The following PIP5K1B variants were observed in gnomAD, a reference collection of about 807,000 sequenced individuals.
PIP5K1B encodes phosphatidylinositol-4-phosphate 5-kinase type 1 beta.
In PIP5K1B, 42 loss-of-function variants were observed where a neutral mutation model predicts 67.0. That is an observed-to-expected ratio of 0.63 (90% CI 0.49 to 0.81). The LOEUF is 0.81. Ranked by LOEUF, PIP5K1B falls within the 30% of genes least tolerant of loss-of-function variation. PIP5K1B has a pLI of 0.00. For missense variants in PIP5K1B, 459 were observed against 646.3 expected (o/e 0.71, Z 3.14); for synonymous variants, 214 against 231.4 (o/e 0.92, Z 0.68).
At chr9:68,730,928 A>T (rs568299674) in intron 1 of PIP5K1B, among the ~76,000 whole-genome samples, 1 of 152,336 alleles carries the variant, frequency 6.6e-6, no homozygotes, top group South Asian at 2.1e-4. Flanking sequence ...CCCTCTTTTC[A>T]TGAGAAAGGA....
In PIP5K1B at chr9:68,812,686, C is replaced by T. The variant is rs193265949; in HGVS notation, c.-85-5775C>T. On this transcript the variant is annotated intron_variant, in intron 2 of 15. Transcript: ENST00000265382. ...CCAGAGACTACAACTTTGAGTACTC[C>T]ACTGTCCAATTCTTATCAAAAGACT... 5.9e-4 allele frequency among the ~76,000 whole-genome samples: 90 copies of T among 152,324 alleles called. 1 individual carries two copies. Among genetic ancestry groups the T allele is most frequent in the Admixed American group, 3.4e-3 (52 of 15,294 alleles).
chr9:68,744,190 C>T (rs1209375261), intron 2 of PIP5K1B, among the ~76,000 whole-genome samples: 2 of 152,198 alleles, frequency 1.3e-5, no homozygotes, highest in African/African-American at 4.8e-5. Context: ...CCACAAACCA[C>T]AGTGATCTTC....
chr9:68,830,579 T>C (rs1270596836), intron 4 of PIP5K1B, among the ~76,000 whole-genome samples: 1 of 152,190 alleles, frequency 6.6e-6, no homozygotes, highest in Admixed American at 6.5e-5. Flanking sequence ...CTGTAGACTC[T>C]CTGTGTTTTG....
chr9:68,819,242 T>C (rs947584593), intron 3 of PIP5K1B, among the ~76,000 whole-genome samples: 1 of 152,120 alleles, frequency 6.6e-6, no homozygotes, highest in Non-Finnish European at 1.5e-5. Flanking sequence ...CAAAATATAC[T>C]CAAGTCCCTT....
At chr9:68,712,592 A>G (rs1587326650) in intron 1 of PIP5K1B, among the ~76,000 whole-genome samples, 1 of 152,202 alleles carries the variant, frequency 6.6e-6, no homozygotes, top group African/African-American at 2.4e-5. Context: ...AGCCCCATCC[A>G]TCCTGTCAAG....
intron 1 of PIP5K1B, among the ~76,000 whole-genome samples, chr9:68,711,193 C>G (rs751136280): frequency 2.0e-5 from 3 of 152,190 alleles, no homozygotes; most frequent in African/African-American, 4.8e-5. Context: ...TTCCTTGCTT[C>G]GTAGACAGAC....
chr9:69,008,347 G>T, intron 15 of PIP5K1B, 100 bp from the exon 16 acceptor site: 1 of 1,013,126 alleles, frequency 9.9e-7, no homozygotes, highest in Non-Finnish European at 1.6e-6. Context: ...CCAGACACAA[G>T]TGATTGGGAG....
chr9:68,777,329 C>G (rs1376136725), intron 2 of PIP5K1B, among the ~76,000 whole-genome samples: 1 of 152,170 alleles, frequency 6.6e-6, no homozygotes, highest in African/African-American at 2.4e-5. Flanking sequence ...GAGAACAAAA[C>G]AAAGGTCTTT....
intron 7 of PIP5K1B, among the ~76,000 whole-genome samples, chr9:68,890,671 G>A (rs866594954): frequency 3.4e-5 from 5 of 147,590 alleles, no homozygotes; most frequent in African/African-American, 1.2e-4. Context: ...ATTTTTTTTT[G>A]GAGGAACAGA....
chr9:68,943,443 C>A (rs957203777), intron 14 of PIP5K1B, among the ~76,000 whole-genome samples: 1 of 152,158 alleles, frequency 6.6e-6, no homozygotes, highest in African/African-American at 2.4e-5. Context: ...TCCCTATTTC[C>A]CTGACCCACT....
chr9:68,962,220 T>G (rs1828790041), intron 14 of PIP5K1B, among the ~76,000 whole-genome samples: 1 of 152,136 alleles, frequency 6.6e-6, no homozygotes, highest in Admixed American at 6.5e-5. Flanking sequence ...AAAAAAGACA[T>G]TAAATAAACA....
rs781277908 is a variant in PIP5K1B at position 68,880,910 on chromosome 9, A to T, written c.318+4116A>T. On this transcript the variant is annotated intron_variant, in intron 6 of 15. Coordinates refer to ENST00000265382, the MANE Select transcript of PIP5K1B (RefSeq NM_003558.4). ...GGAGTCTCTGGAAGCTCACCTCCAAACCGCTCTATCTGGGACTGCACCTAA... is the reference window on the plus strand; with the variant it reads ...GGAGTCTCTGGAAGCTCACCTCCAATCCGCTCTATCTGGGACTGCACCTAA... 8.2e-4 allele frequency among the ~76,000 whole-genome samples: 125 copies of T among 152,192 alleles called. 1 individual carries two copies. The highest frequency in any genetic ancestry group is 1.3e-3 in the Non-Finnish European group (90 of 68,012).
intron 2 of PIP5K1B, among the ~76,000 whole-genome samples, chr9:68,773,855 G>C (rs1226444834): frequency 1.3e-5 from 2 of 152,084 alleles, no homozygotes; most frequent in Admixed American, 1.3e-4. Flanking sequence ...CAAATTGAAT[G>C]GTTGGTAAGT....
At chr9:68,767,084 G>T (rs1345071264) in intron 2 of PIP5K1B, among the ~76,000 whole-genome samples, 1 of 152,176 alleles carries the variant, frequency 6.6e-6, no homozygotes, top group Non-Finnish European at 1.5e-5. Context: ...GTATAAACTA[G>T]AATGCCCCAT....
intron 14 of PIP5K1B, among the ~76,000 whole-genome samples, chr9:68,990,423 AAAG>A (rs202118916): frequency 6.2e-4 from 93 of 149,592 alleles, no homozygotes; most frequent in Middle Eastern, 3.4e-3. Flanking sequence ...AAGGGGAAAA[AAAG>A]AAAAATCATC....
chr9:68,882,994 G>A (rs919501878), intron 6 of PIP5K1B, among the ~76,000 whole-genome samples: 11 of 152,148 alleles, frequency 7.2e-5, no homozygotes, highest in Admixed American at 2.0e-4. Flanking sequence ...ATTGTAGGCC[G>A]TGTGCTTCTC....
chr9:68,797,145 G>A (rs1384204850), intron 2 of PIP5K1B, among the ~76,000 whole-genome samples: 1 of 152,164 alleles, frequency 6.6e-6, no homozygotes, highest in Non-Finnish European at 1.5e-5. Context: ...AAAGACGAGT[G>A]GACAAGTCCT....
chr9:68,950,081 A>G (rs1827984826), intron 14 of PIP5K1B, among the ~76,000 whole-genome samples: 2 of 152,190 alleles, frequency 1.3e-5, no homozygotes, highest in Admixed American at 6.5e-5. Context: ...GGTTAGCAAC[A>G]CCTCTGGGAA....
chr9:68,776,033 A>G (rs1047548517), intron 2 of PIP5K1B, among the ~76,000 whole-genome samples: 2 of 152,118 alleles, frequency 1.3e-5, no homozygotes, highest in African/African-American at 4.8e-5. Context: ...GGCTATAAAT[A>G]TATTTTCTTT....
Sources: gnomAD v4.1 joint callset for allele counts (sites outside exome capture counted in the v4.1 genomes callset) on GRCh38, gnomAD v4.1.1 for gene constraint, MANE v1.5 for transcripts, NCBI Gene and HGNC (gene_info 2026-07-23, HGNC 2026-07-21) for gene names.